C4orf17: variants seen among roughly 807,000 people sequenced by gnomAD.
The protein encoded by C4orf17 is uncharacterized protein C4orf17.
Under a neutral mutation model 32.0 loss-of-function variants are expected in C4orf17, and 25 were observed. The ratio of observed to expected loss-of-function variants is 0.78; its 90% CI spans 0.57 to 1.09. The LOEUF (loss-of-function observed/expected upper bound fraction) is 1.09, where lower values mean the gene tolerates loss of function less well. C4orf17 is among the 50% of genes least tolerant of loss of function. The pLI is 0.00. For missense variants in C4orf17, 420 were observed against 420.0 expected, an observed-to-expected ratio of 1.00 and a Z score of 0.00; for synonymous variants, 149 against 145.8, an observed-to-expected ratio of 1.02 and a Z score of -0.16.
intron 7 of C4orf17, among the ~76,000 whole-genome samples, chr4:99,539,657 C>T (rs1318319594): frequency 1.3e-5 from 2 of 151,940 alleles, no homozygotes; most frequent in African/African-American, 2.4e-5. Flanking sequence ...AGAGTGGCTA[C>T]CTAGAAATCT....
intron 2 of C4orf17, 101 bp downstream of exon 2, chr4:99,513,309 A>AC (rs1430445465): frequency 1.4e-6 from 2 of 1,417,546 alleles, no homozygotes; most frequent in African/African-American, 1.4e-5. Flanking sequence ...AAAATATTTA[A>AC]CCACTGGAGA....
intron 5 of C4orf17, among the ~76,000 whole-genome samples, chr4:99,531,974 T>G (rs771892148): frequency 1.3e-5 from 2 of 152,164 alleles, no homozygotes. Flanking sequence ...TTCATGATTA[T>G]TACTTTAAAA....
chr4:99,519,799 G>A (rs758038534), intron 2 of C4orf17, among the ~76,000 whole-genome samples: 1 of 152,142 alleles, frequency 6.6e-6, no homozygotes. Context: ...TGAGGGACAG[G>A]CCAGGGCAGA....
chr4:99,531,364 A>C (rs774634953), intron 5 of C4orf17, among the ~76,000 whole-genome samples: 1 of 152,162 alleles, frequency 6.6e-6, no homozygotes, highest in Non-Finnish European at 1.5e-5. Context: ...ACTCAAAATC[A>C]AAAGGATAAC....
chr4:99,536,697 C>G (rs1047254144), intron 5 of C4orf17, among the ~76,000 whole-genome samples: 3 of 152,140 alleles, frequency 2.0e-5, no homozygotes, highest in African/African-American at 7.2e-5. Context: ...TGTAGAGGAG[C>G]AGGGCAGATG....
At chr4:99,512,960 T>A (rs763072908) in intron 1 of C4orf17, 29 bp from the exon 2 acceptor site, 16 of 947,064 alleles carry the variant, frequency 1.7e-5, no homozygotes, top group Non-Finnish European at 2.4e-5. Context: ...GAAACTCTTG[T>A]CAGAATGTTT....
chr4:99,522,652 G>A lies in C4orf17; in HGVS notation c.280G>A (p.Val94Ile). The change falls in exon 3 of 9, where the codon GTA (valine) becomes ATA (isoleucine). Residue 94 changes from valine (V) to isoleucine (I), a missense_variant. Coordinates refer to ENST00000326581, the MANE Select transcript of C4orf17 (RefSeq NM_032149.3). ...CAGCACTGCAGTCCAGGAGAGCCCT[G>A]TAAGAGGAATGTCGCCAGCCCCAAA... ...PSSTAVQESP[V>I]RGMSPAPNGA... 6.2e-7 allele frequency: 1 copy of A among 1,614,064 alleles called. No homozygotes were observed. The highest frequency in any genetic ancestry group is 8.5e-7 in the Non-Finnish European group (1 of 1,179,994).
At chr4:99,527,304 A>T (rs1028238491) in intron 4 of C4orf17, among the ~76,000 whole-genome samples, 1 of 152,186 alleles carries the variant, frequency 6.6e-6, no homozygotes, top group African/African-American at 2.4e-5. Flanking sequence ...GAGACTTGTT[A>T]TATGGCCTAG....
At chr4:99,540,377 T>C in intron 7 of C4orf17, 35 bp from the exon 8 acceptor site, 1 of 1,557,304 alleles carries the variant, frequency 6.4e-7, no homozygotes. Flanking sequence ...TTTGTATCTG[T>C]GAAATTCACT....
chr4:99,524,705 A>C (rs1274076137), intron 4 of C4orf17, 120 bp downstream of exon 4: 2 of 619,538 alleles, frequency 3.2e-6, no homozygotes, highest in East Asian at 2.8e-5. Flanking sequence ...GCTTTAGTAA[A>C]GTCTAATTAA....
chr4:99,522,824 T>A, intron 3 of C4orf17, 115 bp downstream of exon 3: 5 of 741,742 alleles, frequency 6.7e-6, no homozygotes, highest in South Asian at 1.9e-5. Flanking sequence ...GTTTCCTCAC[T>A]GTGAGGAACA....
intron 2 of C4orf17, among the ~76,000 whole-genome samples, chr4:99,516,334 C>T (rs992927690): frequency 7.9e-5 from 12 of 152,160 alleles, no homozygotes; most frequent in African/African-American, 2.9e-4. Context: ...GAGCTGCCCA[C>T]AGTCCCAAAC....
At position 99,524,182 on chromosome 4, in the gene C4orf17, C is replaced by T. The variant is rs1307103246; in HGVS notation, c.338-339C>T. On this transcript the variant is annotated intron_variant, in intron 3 of 8. Transcript: ENST00000326581. ...TTTTTTAGTGGAGATGGGACTTCAC[C>T]GTGTTAGCCAGGATGGTCTCGATCT... 2.6e-5 allele frequency among the ~76,000 whole-genome samples: 4 copies of T among 151,906 alleles called. 1 individual carries two copies. In the South Asian group the frequency reaches 6.2e-4, roughly 24 times the overall value.
In C4orf17 at chr4:99,522,548, T is replaced by C; in HGVS notation, c.176T>C (p.Phe59Ser). The C allele has an allele frequency of 1.2e-6, 2 of 1,614,034 alleles. No individual in the cohort carries two copies. The highest frequency in any genetic ancestry group is 1.7e-6 in the Non-Finnish European group (2 of 1,179,920). The change falls in exon 3 of 9, where the codon TTT becomes TCT. Residue 59 changes from phenylalanine to serine, a missense_variant. Transcript: ENST00000326581. ...ACTGTGAATGATGATGAGAATGCAT[T>C]TGGAACATTGTGGGGAGTTGGCCAG... ...ICTVNDDENA[F>S]GTLWGVGQSN...
intron 1 of C4orf17, 95 bp from the exon 2 acceptor site, chr4:99,512,894 C>G (rs769104793): frequency 1.8e-5 from 11 of 608,754 alleles, no homozygotes; most frequent in Non-Finnish European, 3.0e-5. Flanking sequence ...ACATGAGAAA[C>G]AATTTAGTTC....
At chr4:99,525,716 T>TC (rs1409488469) in intron 4 of C4orf17, among the ~76,000 whole-genome samples, 1 of 151,492 alleles carries the variant, frequency 6.6e-6, no homozygotes, top group Non-Finnish European at 1.5e-5. Context: ...ATTGCTTGAA[T>TC]CCGGGAGGTG....
At chr4:99,512,843 A>T (rs1723116313) in intron 1 of C4orf17, 146 bp from the exon 2 acceptor site, 3 of 437,738 alleles carry the variant, frequency 6.9e-6, no homozygotes, top group Non-Finnish European at 4.2e-6. Context: ...CAACGTTTAC[A>T]AAAATTTGGT....
In C4orf17 at chr4:99,522,726, C is replaced by G; in HGVS notation, c.337+17C>G. The G allele has an allele frequency of 6.2e-7, 1 of 1,600,328 alleles. No homozygotes were observed. On this transcript the variant is annotated intron_variant, in intron 3 of 8. Transcript: ENST00000326581. ...CTCATTCTGGTGAGTTGAGTTAGAACTGATGAAATGTTTCCTTATGCCTCC... is the reference window on the plus strand; with the variant it reads ...CTCATTCTGGTGAGTTGAGTTAGAAGTGATGAAATGTTTCCTTATGCCTCC...
At chr4:99,527,811 A>C (rs1189791479) in intron 4 of C4orf17, among the ~76,000 whole-genome samples, 1 of 152,188 alleles carries the variant, frequency 6.6e-6, no homozygotes, top group Non-Finnish European at 1.5e-5. Context: ...GAAATCGCTA[A>C]TTATAATTGT....
Sources: allele counts gnomAD v4.1 joint callset (sites outside exome capture counted in the v4.1 genomes callset), GRCh38; gene constraint gnomAD v4.1.1; transcripts MANE v1.5; gene names NCBI Gene and HGNC (gene_info 2026-07-23, HGNC 2026-07-21).